DDX19A: variants seen among roughly 807,000 people sequenced by gnomAD.
The protein encoded by DDX19A is ATP-dependent RNA helicase DDX19A.
A neutral mutation model predicts 60.6 loss-of-function variants in DDX19A; 12 were observed. That is an observed-to-expected ratio of 0.20 (90% confidence interval 0.13 to 0.32). DDX19A has a LOEUF of 0.32. Among genes scored for constraint, DDX19A ranks in the 10% least tolerant of loss-of-function variants. The probability of loss-of-function intolerance (pLI) is 1.00; values close to 1 mark genes in which losing one functional copy is unlikely to be tolerated. For missense variants in DDX19A, 337 were observed against 600.6 expected (o/e 0.56, Z 4.59); for synonymous variants, 206 against 218.2 (o/e 0.94, Z 0.49).
intron 2 of DDX19A, among the ~76,000 whole-genome samples, chr16:70,354,113 T>G (rs1964114267): frequency 6.6e-6 from 1 of 152,038 alleles, no homozygotes; most frequent in African/African-American, 2.4e-5. Flanking sequence ...AGTCTTTTCC[T>G]TAGGTATTAT....
At chr16:70,351,866 C>G (rs531178638) in intron 2 of DDX19A, among the ~76,000 whole-genome samples, 1 of 152,140 alleles carries the variant, frequency 6.6e-6, no homozygotes, top group East Asian at 1.9e-4. Context: ...CCAGATCCTG[C>G]ATGAGGTAAA....
chr16:70,368,584 T>C (rs1440540699), intron 9 of DDX19A, among the ~76,000 whole-genome samples: 2 of 127,494 alleles, frequency 1.6e-5, no homozygotes, highest in Non-Finnish European at 3.1e-5. Context: ...AAAAATACTC[T>C]TTTTTTTTTT....
intron 2 of DDX19A, among the ~76,000 whole-genome samples, chr16:70,353,900 CAA>C (rs564352365): frequency 1.7e-4 from 12 of 71,672 alleles, no homozygotes; most frequent in East Asian, 4.7e-4. Flanking sequence ...GACTCTGTCT[CAA>C]AAAAAAAAAA....
At chr16:70,352,504 T>C (rs1964048716) in intron 2 of DDX19A, among the ~76,000 whole-genome samples, 1 of 151,952 alleles carries the variant, frequency 6.6e-6, no homozygotes, top group East Asian at 1.9e-4. Flanking sequence ...AGGTTGGTCT[T>C]GAACTCCTGA....
chr16:70,347,838 G>A, intron 1 of DDX19A: 1 of 270,780 alleles, frequency 3.7e-6, no homozygotes, highest in South Asian at 2.7e-5. Flanking sequence ...TTACAGGCAT[G>A]CGCCACCACG....
intron 3 of DDX19A, chr16:70,355,893 T>A: frequency 1.6e-6 from 1 of 630,818 alleles, no homozygotes; most frequent in South Asian, 2.1e-5. Flanking sequence ...GCCCAGGAAT[T>A]CTAGACTACA....
intron 2 of DDX19A, among the ~76,000 whole-genome samples, chr16:70,351,865 G>A (rs1357737804): frequency 2.0e-5 from 3 of 152,004 alleles, no homozygotes; most frequent in African/African-American, 7.2e-5. Context: ...TCCAGATCCT[G>A]CATGAGGTAA....
At chr16:70,360,568 C>T (rs959945376) in intron 4 of DDX19A, among the ~76,000 whole-genome samples, 1 of 152,006 alleles carries the variant, frequency 6.6e-6, no homozygotes, top group East Asian at 1.9e-4. Flanking sequence ...TCTTGAACGC[C>T]TGGACTCCTC....
At chr16:70,371,593 C>T (rs549887823) in intron 11 of DDX19A, 30 bp downstream of exon 11, 38 of 1,205,868 alleles carry the variant, frequency 3.2e-5, no homozygotes, top group Admixed American at 1.2e-4. Context: ...CTGTGCCTGG[C>T]GCCCTTTGCT....
chr16:70,370,192 T>A lies in DDX19A; in HGVS notation c.1021-31T>A, dbSNP rs748230424. 3 of 1,602,206 alleles carry A rather than the reference T, an allele frequency of 1.9e-6. No homozygotes were observed. The South Asian group carries it at 3.3e-5, about 18-fold the overall frequency. On this transcript the variant is annotated intron_variant, in intron 9 of 11. Coordinates refer to ENST00000302243, the MANE Select transcript of DDX19A (RefSeq NM_018332.5). ...AAAGAAAAAATATATACTCAAATAC[T>A]TTCATTTCTCAATTGTTTTTTTTCT...
intron 2 of DDX19A, among the ~76,000 whole-genome samples, chr16:70,351,593 C>T (rs867011821): frequency 1.2e-4 from 18 of 151,040 alleles, no homozygotes; most frequent in South Asian, 8.4e-4. Context: ...GGTGTGATCT[C>T]GGCTTACTGC....
chr16:70,371,574 G>T lies in DDX19A; in HGVS notation c.1375+11G>T. 7.2e-7 allele frequency: 1 copy of T among 1,394,522 alleles called. No individual in the cohort carries two copies. The highest frequency in any genetic ancestry group is 9.7e-7 in the Non-Finnish European group (1 of 1,030,336). The allele number at this position is 1,394,522 out of a possible 1,614,324, so 86.4% of individuals were successfully genotyped here. A position where few individuals can be genotyped will look rare whatever the true frequency, so the allele number is the denominator to read the frequency against. Reference sequence around the variant, plus strand: ...TCCAGGAGCATTTTAGTGAGTCCCGGGGAGGGTCCTGTGCCTGGCGCCCTT... The same window carrying T: ...TCCAGGAGCATTTTAGTGAGTCCCGTGGAGGGTCCTGTGCCTGGCGCCCTT... On this transcript the variant is annotated intron_variant, in intron 11 of 11. Transcript: ENST00000302243.
chr16:70,369,595 A>C (rs1964621823), intron 9 of DDX19A, among the ~76,000 whole-genome samples: 2 of 150,210 alleles, frequency 1.3e-5, no homozygotes, highest in Non-Finnish European at 3.0e-5. Context: ...TTGTGGTATA[A>C]ATTTTCTTTT....
chr16:70,360,853 G>GTGA, intron 4 of DDX19A: 1 of 155,908 alleles, frequency 6.4e-6, no homozygotes, highest in African/African-American at 2.4e-5. Context: ...CTGAGCTCAA[G>GTGA]TGAGCCTCCC....
At chr16:70,358,041 A>G (rs1964264779) in intron 4 of DDX19A, among the ~76,000 whole-genome samples, 1 of 151,832 alleles carries the variant, frequency 6.6e-6, no homozygotes, top group African/African-American at 2.4e-5. Flanking sequence ...TCATTTATTT[A>G]TTTACTTTTG....
chr16:70,362,340 CAAA>C (rs566741768), intron 5 of DDX19A, among the ~76,000 whole-genome samples: 1 of 46,396 alleles, frequency 2.2e-5, no homozygotes, highest in African/African-American at 7.5e-5. Context: ...GACTCTGTCT[CAAA>C]AAAAAAAAAA....
chr16:70,356,137 C>G lies in DDX19A; in HGVS notation c.183C>G (p.Leu61=). ...EKEDRAAQSL[L]NKLIRSNLVD... is the part of the protein sequence containing the mutation. The stretch of plus-strand genomic sequence containing the variant: ...AGGACAGAGCTGCCCAGTCCTTACT[C>G]AACAAGCTGATCAGAAGCAACCTTG... The change falls in exon 4 of 12, where the codon CTC becomes CTG. Residue 61 remains leucine (L), a synonymous_variant. Coordinates refer to ENST00000302243, the MANE Select transcript of DDX19A (RefSeq NM_018332.5). 2 of 1,613,994 alleles carry G rather than the reference C, an allele frequency of 1.2e-6. No homozygotes were observed. Among genetic ancestry groups the G allele is most frequent in the Non-Finnish European group, 8.5e-7 (1 of 1,180,016 alleles).
rs779872534 is a variant in DDX19A at position 70,365,097 on chromosome 16, A to G, written c.570A>G (p.Glu190=). 4 of 1,613,984 alleles carry G rather than the reference A, an allele frequency of 2.5e-6. No individual in the cohort carries two copies. Among genetic ancestry groups the G allele is most frequent in the Non-Finnish European group, 2.5e-6 (3 of 1,179,966 alleles). ...VIEQMGKFYP[E]LKLAYAVRGN... ...AGCAGATGGGCAAATTTTACCCAGA[A>G]CTGAAGCTTGCCTATGCCGTTCGAG... The change falls in exon 7 of 12, where the codon GAA becomes GAG. Residue 190 remains glutamate (E), a synonymous_variant. Transcript: ENST00000302243.
At chr16:70,350,208 G>A (rs1258062777) in intron 1 of DDX19A, among the ~76,000 whole-genome samples, 2 of 152,126 alleles carry the variant, frequency 1.3e-5, no homozygotes, top group East Asian at 1.9e-4. Flanking sequence ...AGCCATGATC[G>A]TGCTGCTGTA....
Sources: gnomAD v4.1 joint callset for allele counts (sites outside exome capture counted in the v4.1 genomes callset) on GRCh38, gnomAD v4.1.1 for gene constraint, MANE v1.5 for transcripts, NCBI Gene and HGNC (gene_info 2026-07-23, HGNC 2026-07-21) for gene names.